NTRK1: variants seen among roughly 807,000 people sequenced by gnomAD.
NTRK1 encodes the protein neurotrophic receptor tyrosine kinase 1.
NTRK1 carries 62 observed loss-of-function variants against 86.8 expected under a neutral mutation model. That is an observed-to-expected ratio of 0.71 (90% CI 0.58 to 0.88). The LOEUF is 0.88. Ranked by LOEUF, NTRK1 falls within the 40% of genes least tolerant of loss-of-function variation. NTRK1 has a pLI of 0.00. For synonymous variants in NTRK1, 469 were observed against 456.6 expected, an observed-to-expected ratio of 1.03 and a Z score of -0.35; for missense variants, 967 against 1,078.4, an observed-to-expected ratio of 0.90 and a Z score of 1.45.
chr1:156,829,462 G>GCC (rs973525861), intron 1 of NTRK1, among the ~76,000 whole-genome samples: 1 of 152,150 alleles, frequency 6.6e-6, no homozygotes, highest in African/African-American at 2.4e-5. Context: ...CCAGAAGTCT[G>GCC]CCTCCCCAGC....
chr1:156,867,819 GCC>G (rs1647253688), intron 4 of NTRK1, among the ~76,000 whole-genome samples: 1 of 151,802 alleles, frequency 6.6e-6, no homozygotes, highest in Non-Finnish European at 1.5e-5. Flanking sequence ...GACTACAGGT[GCC>G]CGCCACCATG....
chr1:156,821,706 G>A (rs1400578728), intron 1 of NTRK1, among the ~76,000 whole-genome samples: 3 of 152,194 alleles, frequency 2.0e-5, no homozygotes, highest in African/African-American at 4.8e-5. Flanking sequence ...CCAGTTGCTT[G>A]GTAAGCATTT....
At chr1:156,833,390 C>G (rs1185536413) in intron 1 of NTRK1, among the ~76,000 whole-genome samples, 1 of 152,122 alleles carries the variant, frequency 6.6e-6, no homozygotes, top group Non-Finnish European at 1.5e-5. Flanking sequence ...AACCCCATCT[C>G]TACTAAAAAT....
chr1:156,874,645 G>A lies in NTRK1; in HGVS notation c.1251+19G>A, dbSNP rs1452784098. ...TTTTGGGGTGAGATAGGAAGTAGAA[G>A]CTTGTGCAGACTTTGGGACCGGGAG... On this transcript the variant is annotated intron_variant, in intron 10 of 16. Coordinates refer to ENST00000524377, the MANE Select transcript of NTRK1 (RefSeq NM_002529.4). The A allele has an allele frequency of 1.9e-6, 3 of 1,610,768 alleles. No homozygotes were observed. Among genetic ancestry groups the A allele is most frequent in the African/African-American group, 1.3e-5 (1 of 74,930 alleles).
chr1:156,860,927 C>T lies in NTRK1; in HGVS notation c.-8C>T. The T allele has an allele frequency of 6.9e-7, 1 of 1,443,630 alleles. No individual in the cohort carries two copies. The highest frequency in any genetic ancestry group is 9.0e-7 in the Non-Finnish European group (1 of 1,109,220). The allele number at this position is 1,443,630 out of a possible 1,614,324, so 89.4% of individuals were successfully genotyped here. ...CTGCCCCGCCTGAGCGAGGCGGGCG[C>T]CGCCGCGATGCTGCGAGGCGGACGG... On this transcript the variant is annotated 5_prime_UTR_variant, in exon 1 of 17. Coordinates refer to ENST00000524377, the MANE Select transcript of NTRK1 (RefSeq NM_002529.4).
chr1:156,820,892 A>G (rs2777926), intron 1 of NTRK1, among the ~76,000 whole-genome samples: 34,039 of 151,976 alleles, frequency 0.22, 4,056 homozygotes, highest in Non-Finnish European at 0.28. Context: ...TCATTTTCAC[A>G]ATATTGATTC....
chr1:156,839,115 G>A (rs1164855018), intron 1 of NTRK1, among the ~76,000 whole-genome samples: 1 of 152,244 alleles, frequency 6.6e-6, no homozygotes, highest in Non-Finnish European at 1.5e-5. Flanking sequence ...GCAGGGGAGG[G>A]GTGGGGCTCC....
At chr1:156,836,105 C>A (rs1301835814) in intron 1 of NTRK1, among the ~76,000 whole-genome samples, 1 of 152,198 alleles carries the variant, frequency 6.6e-6, no homozygotes, top group Non-Finnish European at 1.5e-5. Flanking sequence ...GTCAGCCCCC[C>A]TCCTCCTGTC....
intron 1 of NTRK1, among the ~76,000 whole-genome samples, chr1:156,826,270 G>A (rs926389521): frequency 3.4e-5 from 5 of 145,206 alleles, no homozygotes; most frequent in South Asian, 2.2e-4. Flanking sequence ...GTTTTGCTAC[G>A]TTGTCCAGGC....
At chr1:156,832,227 A>G (rs912612785) in intron 1 of NTRK1, among the ~76,000 whole-genome samples, 2 of 152,054 alleles carry the variant, frequency 1.3e-5, no homozygotes, top group African/African-American at 4.8e-5. Flanking sequence ...CTCTGCCCCT[A>G]GTTGGTTTGT....
In NTRK1 at chr1:156,854,390, T is replaced by C; in HGVS notation, c.51-9964T>C. On this transcript the variant is annotated intron_variant, in intron 2 of 16. Transcript: ENST00000392302. The surrounding 1 kb of genome is among the most constrained non-coding windows in gnomAD (Gnocchi z 4.2). ...TGGCAGCTTTGGAGGGGAGCCACAC[T>C]GGCAGTAGGACAATGAGTGAGGAGC... The C allele has an allele frequency of 1.5e-6, 2 of 1,325,012 alleles. No homozygotes were observed. Among genetic ancestry groups the C allele is most frequent in the Non-Finnish European group, 2.1e-6 (2 of 974,502 alleles). The allele number at this position is 1,325,012 out of a possible 1,614,324, so 82.1% of individuals were successfully genotyped here.
chr1:156,816,161 C>G, intron 1 of NTRK1: 1 of 1,529,102 alleles, frequency 6.5e-7, no homozygotes. Flanking sequence ...GCCTCCCACC[C>G]CTCCTCCCAG....
chr1:156,871,827 G>T (rs972536206), intron 7 of NTRK1, 72 bp downstream of exon 7: 1 of 1,602,206 alleles, frequency 6.2e-7, no homozygotes, highest in African/African-American at 1.3e-5. Flanking sequence ...GATGTAGGGT[G>T]GGGGGCTGGA....
rs945729660 is a variant in NTRK1, at chr1:156,849,255, G to C, written c.50+7062G>C. On this transcript the variant is annotated intron_variant, in intron 2 of 16. Coordinates refer to the NTRK1 transcript ENST00000392302. ...GGGGTTGGGGTCTCACAGGCGGCGC[G>C]GTCTCCGTTGGTGCGGGGGTTGATC... 3 of 1,613,784 alleles carry C rather than the reference G, an allele frequency of 1.9e-6. No individual in the cohort carries two copies. In the South Asian group the frequency reaches 3.3e-5, roughly 18 times the overall value.
chr1:156,848,587 C>A (rs535809681), intron 2 of NTRK1, among the ~76,000 whole-genome samples: 117 of 152,334 alleles, frequency 7.7e-4, no homozygotes, highest in Non-Finnish European at 6.8e-4. Flanking sequence ...GCTCCCCAAA[C>A]CGCTGCTGGG....
upstream of NTRK1, chr1:156,860,686 C>T: frequency 1.7e-6 from 1 of 580,566 alleles, no homozygotes; most frequent in Non-Finnish European, 2.7e-6. Flanking sequence ...GGAGCTGAGG[C>T]GGATCCTCGG....
At chr1:156,860,804 C>T, upstream of NTRK1, 1 of 1,332,408 alleles carries the variant, frequency 7.5e-7, no homozygotes, top group Non-Finnish European at 9.5e-7. Context: ...CGGGCGGGGG[C>T]CGCTGGCTCC....
At chr1:156,855,176 T>TTATCTATCTATATATCTATC in intron 2 of NTRK1, among the ~76,000 whole-genome samples, 1 of 143,580 alleles carries the variant, frequency 7.0e-6, no homozygotes, top group South Asian at 2.4e-4. Context: ...CCATCCAATT[T>TTATCTATCTATATATCTATC]TATCTATCTA....
At chr1:156,842,145 T>A in exon 2 of NTRK1, 1 of 1,614,018 alleles carries the variant, frequency 6.2e-7, no homozygotes, top group Non-Finnish European at 8.5e-7. Flanking sequence ...TGGGACACCA[T>A]GCAGTTGCGG....
Sources: gnomAD v4.1 joint callset for allele counts (sites outside exome capture counted in the v4.1 genomes callset) on GRCh38, gnomAD v4.1.1 for gene constraint, Gnocchi (gnomAD v3.1) non-coding constraint, MANE v1.5 for transcripts, NCBI Gene and HGNC (gene_info 2026-07-23, HGNC 2026-07-21) for gene names.